TULP1: variants seen among roughly 807,000 people sequenced by gnomAD.
TULP1 encodes the protein tubby-related protein 1.
A neutral mutation model predicts 67.1 loss-of-function variants in TULP1; 50 were observed. The observed-to-expected ratio is 0.75, with a 90% confidence interval of 0.59 to 0.94. TULP1 has a LOEUF of 0.94. TULP1 is among the 40% of genes least tolerant of loss of function. TULP1 has a pLI of 0.00. For synonymous variants in TULP1, 297 were observed against 294.0 expected (o/e 1.01, Z -0.11); for missense variants, 746 against 734.1 (o/e 1.02, Z -0.19).
At chr6:35,508,378 A>T (rs1561816513) in intron 8 of TULP1, among the ~76,000 whole-genome samples, 2 of 152,258 alleles carry the variant, frequency 1.3e-5, no homozygotes, top group Non-Finnish European at 2.9e-5. Flanking sequence ...TCTGGGAGAC[A>T]GTAAACTGGC....
At chr6:35,501,313 G>A (rs1760955019) in intron 13 of TULP1, among the ~76,000 whole-genome samples, 1 of 151,988 alleles carries the variant, frequency 6.6e-6, no homozygotes, top group Non-Finnish European at 1.5e-5. Context: ...ACCAGCCTGG[G>A]CAACAAAGTG....
intron 13 of TULP1, among the ~76,000 whole-genome samples, chr6:35,500,826 C>G (rs755413755): frequency 6.6e-6 from 1 of 152,094 alleles, no homozygotes; most frequent in Non-Finnish European, 1.5e-5. Context: ...CTTACTGGGC[C>G]CAAACAAGGG....
At position 35,498,000 on chromosome 6, in the gene TULP1, AAAAC is replaced by A; in HGVS notation, c.*323_*326del. On this transcript the variant is annotated 3_prime_UTR_variant, in exon 15 of 15. Transcript: ENST00000229771. ...CGCGGTCCCGGGGAGAGGGGAGGTT[AAAAC>A]AACAATGACTACTGCTCCCGGACAG... The A allele has an allele frequency of 2.1e-6, 1 of 481,134 alleles. No homozygotes were observed. Among genetic ancestry groups the A allele is most frequent in the Non-Finnish European group, 3.8e-6 (1 of 263,456 alleles). The allele number at this position is 481,134 out of a possible 1,614,324, so 29.8% of individuals were successfully genotyped here.
rs1312031777 is a variant in TULP1 at position 35,509,728 on chromosome 6, G to C, written c.624C>G (p.Asp208Glu). 1 of 1,613,924 alleles carries C rather than the reference G, an allele frequency of 6.2e-7. No homozygotes were observed. Among genetic ancestry groups the C allele is most frequent in the Non-Finnish European group, 8.5e-7 (1 of 1,180,018 alleles). Residue 208 changes from aspartate (D) to glutamate (E), a missense_variant, in exon 7 of 15, where the codon GAC (aspartate) becomes GAG (glutamate). Around this residue, in one of 3 missense-constraint regions of TULP1, gnomAD observed 359 missense variants for 341.9 expected, o/e 1.05. Coordinates refer to ENST00000229771, the MANE Select transcript of TULP1 (RefSeq NM_003322.6). ...TCGCACTGGCTGGGCTCCCTGAGGG[G>C]TCCTTGTCGGCCTCCCCAGACCCTG... ...KKKGSGEADK[D>E]PSGSPASARK...
chr6:35,503,613 G>T lies in TULP1; in HGVS notation c.1269C>A (p.Val423=). 1 of 1,598,720 alleles carries T rather than the reference G, an allele frequency of 6.3e-7. No homozygotes were observed. The highest frequency in any genetic ancestry group is 8.5e-7 in the Non-Finnish European group (1 of 1,172,938). ...LGFRGPRRMT[V]IIPGMSAENE... is the part of the protein sequence containing the mutation. ...TCTCCGCACTCATGCCAGGAATGAT[G>T]ACGGTCATGCGCCGGGGGCCACGGA... Residue 423 remains valine (V), a synonymous_variant, in exon 13 of 15, where the codon GTC becomes GTA. Coordinates refer to ENST00000229771, the MANE Select transcript of TULP1 (RefSeq NM_003322.6). This position sits in a 1 kb window ranked among gnomAD's most constrained non-coding sequence, Gnocchi z 4.0.
At position 35,498,492 on chromosome 6, in the gene TULP1, G is replaced by A. The variant is rs778774506; in HGVS notation, c.1496-32C>T. 2 of 1,612,790 alleles carry A rather than the reference G, an allele frequency of 1.2e-6. No homozygotes were observed. Among genetic ancestry groups the A allele is most frequent in the South Asian group, 1.1e-5 (1 of 91,050 alleles). ...ACACAAGACGGGGTGGGGGCGGCCC[G>A]AGACCTCCTTGGACCCCCATCCTGG... is the stretch of plus-strand genomic sequence containing the variant. On this transcript the variant is annotated intron_variant, in intron 14 of 14. Coordinates refer to ENST00000229771, the MANE Select transcript of TULP1 (RefSeq NM_003322.6). This position sits in a 1 kb window ranked among gnomAD's most constrained non-coding sequence, Gnocchi z 6.7.
In TULP1 at chr6:35,509,278, C is replaced by G. The variant is rs1761147627; in HGVS notation, c.753G>C (p.Glu251Asp). Residue 251 changes from glutamate to aspartate, a missense_variant, in exon 8 of 15, where the codon GAG becomes GAC. Glu to Asp is a conservative substitution (Grantham distance 45, BLOSUM62 2). This residue lies in a region of TULP1 where 359 missense variants were observed against 341.9 expected (regional missense o/e 1.05). Transcript: ENST00000229771. ...TTATCACCGTAGCTGCCTCCTCCTC[C>G]TCTTCTTCCTCCTTCCTCGCGCCTT... ...TPKGARKEEE[E>D]EEEAATVIKK... is the part of the protein sequence containing the mutation. 1.9e-6 allele frequency: 3 copies of G among 1,613,928 alleles called. No homozygotes were observed. The highest frequency in any genetic ancestry group is 2.5e-6 in the Non-Finnish European group (3 of 1,179,936).
intron 2 of TULP1, 119 bp from the exon 3 acceptor site, chr6:35,512,389 A>G (rs1476812226): frequency 3.0e-6 from 2 of 674,714 alleles, no homozygotes; most frequent in East Asian, 5.6e-5. Flanking sequence ...GGGGAACTGC[A>G]GCCCCCTTCT....
At position 35,506,008 on chromosome 6, in the gene TULP1, T is replaced by C. The variant is rs778854532; in HGVS notation, c.994A>G (p.Lys332Glu). The C allele has an allele frequency of 8.1e-6, 13 of 1,614,076 alleles. No individual in the cohort carries two copies. The highest frequency in any genetic ancestry group is 6.7e-5 in the East Asian group (3 of 44,878). ...TGCTGCCTCTCCCCACCCACCTTCTTCTCCGTGTCCAGGTGCAGGAAGTAG... is the reference window on the plus strand; with the variant it reads ...TGCTGCCTCTCCCCACCCACCTTCTCCTCCGTGTCCAGGTGCAGGAAGTAG... Reference protein sequence around the residue: ...PSYFLHLDTEKKVFLLAGRKR... With the variant: ...PSYFLHLDTEEKVFLLAGRKR... Residue 332 changes from lysine (K) to glutamate (E), a missense_variant, in exon 10 of 15, where the codon AAG becomes GAG. By Grantham distance (56) the Lys-to-Glu change is moderately conservative. Transcript: ENST00000229771.
chr6:35,506,134 C>T lies in TULP1; in HGVS notation c.868G>A (p.Glu290Lys), dbSNP rs779445674. 6 of 1,613,556 alleles carry T rather than the reference C, an allele frequency of 3.7e-6. No individual in the cohort carries two copies. Among genetic ancestry groups the T allele is most frequent in the South Asian group, 1.1e-5 (1 of 91,072 alleles). The change falls in exon 10 of 15, where the codon GAA becomes AAA. Residue 290 changes from glutamate to lysine, a missense_variant. By Grantham distance (56) the Glu-to-Lys change is moderately conservative. Transcript: ENST00000229771. The part of the protein sequence containing the change: ...RAPSPPVEVD[E>K]PREFVLRPAP... Reference sequence around the variant, plus strand: ...GGCCGGAGCACAAACTCCCGGGGTTCGTCCACCTCCACGGGGGGAGACGGG... The same window carrying T: ...GGCCGGAGCACAAACTCCCGGGGTTTGTCCACCTCCACGGGGGGAGACGGG...
rs1488264654 is a variant in TULP1, at chr6:35,509,317, G to A, written c.719-5C>T. The A allele has an allele frequency of 9.3e-6, 15 of 1,613,694 alleles. No individual in the cohort carries two copies. The Admixed American group carries it at 2.5e-4, about 27-fold the overall frequency. On this transcript the variant is annotated splice_region_variant and splice_polypyrimidine_tract_variant and intron_variant, in intron 7 of 14. Transcript: ENST00000229771. ...TCCTCGCGCCTTTGGGAGTGCCTGA[G>A]CGTGGAGGGGGAAACAAGGCTGTGA...
chr6:35,506,452 C>A (rs1425058134), intron 8 of TULP1, among the ~76,000 whole-genome samples, 173 bp from the exon 9 acceptor site: 2 of 152,262 alleles, frequency 1.3e-5, no homozygotes, highest in African/African-American at 2.4e-5. Context: ...AGCACACACT[C>A]TGGAGCCAGA....
chr6:35,509,145 A>G (rs1013538142), intron 8 of TULP1, 64 bp downstream of exon 8: 28 of 1,471,996 alleles, frequency 1.9e-5, no homozygotes, highest in Non-Finnish European at 2.6e-5. Flanking sequence ...CTAGGCTCCC[A>G]AGTCCAGGCC....
chr6:35,503,554 CT>C lies in TULP1; in HGVS notation c.1323+4del. ...AGCCAGGGGCCAGGGAGGTGCGGGG[CT>C]CACATTTCGGGGCCGGATGGGGACC... On this transcript the variant is annotated splice_donor_region_variant and intron_variant, in intron 13 of 14. Transcript: ENST00000229771. The surrounding 1 kb of genome is among the most constrained non-coding windows in gnomAD (Gnocchi z 4.0). 6 of 1,563,082 alleles carry C rather than the reference CT, an allele frequency of 3.8e-6. No homozygotes were observed. The highest frequency in any genetic ancestry group is 5.2e-6 in the Non-Finnish European group (6 of 1,153,632).
chr6:35,503,792 C>G lies in TULP1; in HGVS notation c.1169G>C (p.Arg390Pro). 6.2e-7 allele frequency: 1 copy of G among 1,613,538 alleles called. No homozygotes were observed. Among genetic ancestry groups the G allele is most frequent in the Non-Finnish European group, 8.5e-7 (1 of 1,179,874 alleles). The change falls in exon 12 of 15, where the codon CGT (arginine) becomes CCT (proline). Residue 390 changes from arginine (R) to proline (P), a missense_variant. Arg to Pro is a moderately radical substitution (Grantham distance 103). This residue lies in a region of TULP1 where 383 missense variants were observed against 374.1 expected (regional missense o/e 1.02). Coordinates refer to ENST00000229771, the MANE Select transcript of TULP1 (RefSeq NM_003322.6). This position sits in a 1 kb window ranked among gnomAD's most constrained non-coding sequence, Gnocchi z 4.0. ...TVFDNGQNPQ[R>P]GYSTNVASLR... ...GCTTGCCACATTAGTGCTGTACCCA[C>G]GCTGTGGGTTCTGCCCGTTGTCAAA...
At chr6:35,500,242 T>G in intron 13 of TULP1, 90 bp from the exon 14 acceptor site, 1 of 1,390,752 alleles carries the variant, frequency 7.2e-7, no homozygotes, top group Non-Finnish European at 1.0e-6. Flanking sequence ...CCTGGGCATG[T>G]GTGCACAGGG....
intron 11 of TULP1, chr6:35,504,083 A>G (rs536616466): frequency 2.0e-6 from 1 of 497,190 alleles, no homozygotes; most frequent in African/African-American, 1.9e-5. Flanking sequence ...TGGGAGTCAG[A>G]GGAGGGAGGA....
At chr6:35,506,357 G>A in intron 8 of TULP1, 78 bp from the exon 9 acceptor site, 1 of 1,537,366 alleles carries the variant, frequency 6.5e-7, no homozygotes, top group Non-Finnish European at 8.8e-7. Flanking sequence ...TGCCCCTCAT[G>A]CTCCCTGGCA....
At chr6:35,507,413 C>T (rs1035616809) in intron 8 of TULP1, among the ~76,000 whole-genome samples, 4 of 151,880 alleles carry the variant, frequency 2.6e-5, no homozygotes, top group Non-Finnish European at 5.9e-5. Flanking sequence ...CTCTGCTAAG[C>T]CACTCCTAGA....
Sources: allele counts gnomAD v4.1 joint callset (sites outside exome capture counted in the v4.1 genomes callset), GRCh38; gene constraint gnomAD v4.1.1; regional missense constraint gnomAD v4.1.1; non-coding constraint Gnocchi (gnomAD v3.1); transcripts MANE v1.5; gene names NCBI Gene and HGNC (gene_info 2026-07-23, HGNC 2026-07-21).